Variants in NUP188 observed in about 807,000 individuals in gnomAD.
The protein encoded by NUP188 is nucleoporin NUP188.
A neutral mutation model predicts 223.0 loss-of-function variants in NUP188; 97 were observed. The ratio of observed to expected loss-of-function variants is 0.43; its 90% CI spans 0.37 to 0.51. The LOEUF (loss-of-function observed/expected upper bound fraction) is 0.51, where lower values mean the gene tolerates loss of function less well. Among genes scored for constraint, NUP188 ranks in the 20% least tolerant of loss-of-function variants. The pLI, the probability that NUP188 is intolerant of heterozygous loss-of-function variation, is 0.00. For synonymous variants in NUP188, 869 were observed against 828.0 expected, an observed-to-expected ratio of 1.05 and a Z score of -0.85; for missense variants, 1,947 against 2,175.6, an observed-to-expected ratio of 0.89 and a Z score of 2.09.
At position 128,999,004 on chromosome 9, in the gene NUP188, G is replaced by A. The variant is rs149759388; in HGVS notation, c.3516-168G>A. Among the ~76,000 whole-genome samples, 76 of 151,956 alleles carry A rather than the reference G, an allele frequency of 5.0e-4. No homozygotes were observed. The Middle Eastern group carries it at 0.031, about 61-fold the overall frequency. On this transcript the variant is annotated intron_variant, in intron 32 of 43. Coordinates refer to ENST00000372577, the MANE Select transcript of NUP188 (RefSeq NM_015354.3). ...CCCTAGTAGCTGGGATTACGGGTGC[G>A]CGCTACCATGCCTAATTTTTGTATT...
chr9:129,003,960 G>A (rs1462155953), intron 38 of NUP188: 23 of 183,712 alleles, frequency 1.3e-4, no homozygotes, highest in Admixed American at 2.1e-4. Flanking sequence ...GTGACAGAGC[G>A]AGACTCCGTC....
At chr9:128,949,779 C>G (rs1054241888) in intron 2 of NUP188, among the ~76,000 whole-genome samples, 1 of 152,080 alleles carries the variant, frequency 6.6e-6, no homozygotes, top group Non-Finnish European at 1.5e-5. Flanking sequence ...CAGGTGCATG[C>G]CACCACACCT....
intron 25 of NUP188, among the ~76,000 whole-genome samples, chr9:128,991,907 C>CTTTT (rs1204961303): frequency 6.8e-5 from 8 of 117,366 alleles, no homozygotes; most frequent in Non-Finnish European, 1.1e-4. Context: ...GTTTTTCTTT[C>CTTTT]TTTTTTTTTT....
intron 2 of NUP188, among the ~76,000 whole-genome samples, chr9:128,950,413 G>T (rs941969784): frequency 1.3e-5 from 2 of 152,050 alleles, no homozygotes; most frequent in African/African-American, 2.4e-5. Flanking sequence ...TAGAGATGGG[G>T]TTTCACCATG....
intron 5 of NUP188, among the ~76,000 whole-genome samples, chr9:128,957,521 A>G (rs767636521): frequency 4.6e-5 from 7 of 151,698 alleles, no homozygotes; most frequent in Non-Finnish European, 5.9e-5. Flanking sequence ...CTGGAGTGCA[A>G]TGGCGTGATC....
At chr9:128,997,933 A>C (rs775216073) in intron 30 of NUP188, among the ~76,000 whole-genome samples, 16 of 151,934 alleles carry the variant, frequency 1.1e-4, no homozygotes, top group Non-Finnish European at 2.1e-4. Context: ...GTTGGCCAGG[A>C]TGGTCTTGAT....
At chr9:128,972,044 T>C (rs1273414632) in intron 11 of NUP188, among the ~76,000 whole-genome samples, 1 of 152,192 alleles carries the variant, frequency 6.6e-6, no homozygotes, top group Non-Finnish European at 1.5e-5. Flanking sequence ...AGTTCTGGGA[T>C]TACAGGTGTG....
Position 128,980,651 on chromosome 9 carries a change from A to G in NUP188, c.1315A>G (p.Met439Val). 1 of 1,614,142 alleles carries G rather than the reference A, an allele frequency of 6.2e-7. No individual in the cohort carries two copies. The highest frequency in any genetic ancestry group is 8.5e-7 in the Non-Finnish European group (1 of 1,180,016). ...GATCATTCTGGACAGTGTGTGTGGA[A>G]TGTTTCCCCACCTTCTCTCCCCACT... The part of the protein sequence containing the change: ...LGIILDSVCG[M>V]FPHLLSPLLQ... The change falls in exon 14 of 44, where the codon ATG (methionine) becomes GTG (valine). Residue 439 changes from methionine to valine, a missense_variant. Met to Val is a conservative substitution (Grantham distance 21). Transcript: ENST00000372577.
chr9:129,004,907 T>C (rs1030392254), intron 38 of NUP188: 2 of 569,270 alleles, frequency 3.5e-6, no homozygotes, highest in Non-Finnish European at 6.3e-6. Context: ...TAGCCCTGAG[T>C]ACTTAGTGGC....
chr9:128,962,349 C>T (rs916606482), intron 8 of NUP188, among the ~76,000 whole-genome samples: 6 of 150,922 alleles, frequency 4.0e-5, no homozygotes, highest in African/African-American at 1.2e-4. Context: ...CTCGGGTTCA[C>T]GCCGTTCTCC....
chr9:128,957,915 T>C (rs1841893920), intron 5 of NUP188, 95 bp from the exon 6 acceptor site: 1 of 926,480 alleles, frequency 1.1e-6, no homozygotes, highest in Non-Finnish European at 1.7e-6. Flanking sequence ...TGTGCAATTA[T>C]AATCTTGAAG....
At position 128,968,500 on chromosome 9, in the gene NUP188, G is replaced by T; in HGVS notation, c.586-6G>T. ...CTCTCCCATTTTGTTTTCATTGGTT[G>T]TACAGACAGAGCGCCAAGTGTCTCG... is the stretch of plus-strand genomic sequence containing the variant. On this transcript the variant is annotated splice_polypyrimidine_tract_variant and splice_region_variant and intron_variant, in intron 8 of 43. Coordinates refer to ENST00000372577, the MANE Select transcript of NUP188 (RefSeq NM_015354.3). 3.7e-6 allele frequency: 6 copies of T among 1,611,690 alleles called. No individual in the cohort carries two copies. The highest frequency in any genetic ancestry group is 5.1e-6 in the Non-Finnish European group (6 of 1,177,994).
chr9:128,954,917 G>A (rs1485199763), intron 3 of NUP188, among the ~76,000 whole-genome samples: 2 of 151,042 alleles, frequency 1.3e-5, no homozygotes, highest in Non-Finnish European at 1.5e-5. Context: ...GCAATGGTGC[G>A]ATTTCAGCTC....
intron 2 of NUP188, among the ~76,000 whole-genome samples, chr9:128,952,530 C>T (rs1202010297): frequency 6.6e-6 from 1 of 152,224 alleles, no homozygotes; most frequent in East Asian, 1.9e-4. Context: ...CGAGATCAGC[C>T]TAGCCAACAT....
At chr9:128,992,757 A>G (rs1235438944) in intron 25 of NUP188, among the ~76,000 whole-genome samples, 1 of 152,204 alleles carries the variant, frequency 6.6e-6, no homozygotes, top group Non-Finnish European at 1.5e-5. Context: ...ACCACCCTGT[A>G]AACATTTGTT....
rs893825148 is a variant in NUP188, at chr9:128,956,360, G to C, written c.172G>C (p.Ala58Pro). Residue 58 changes from alanine to proline, a missense_variant, in exon 4 of 44, where the codon GCT (alanine) becomes CCT (proline). Transcript: ENST00000372577. ...CTGTTCTTTTTGTAGTCCAAGTTCAGCTGAAAAAGTGAAAGCTAATAAAGA... is the reference window on the plus strand; with the variant it reads ...CTGTTCTTTTTGTAGTCCAAGTTCACCTGAAAAAGTGAAAGCTAATAAAGA... ...SYYKPPSPSSAEKVKANKDVA... is the reference protein window; with the variant it reads ...SYYKPPSPSSPEKVKANKDVA... 9 of 1,570,746 alleles carry C rather than the reference G, an allele frequency of 5.7e-6. No individual in the cohort carries two copies. Among genetic ancestry groups the C allele is most frequent in the Non-Finnish European group, 7.8e-6 (9 of 1,159,956 alleles).
intron 3 of NUP188, among the ~76,000 whole-genome samples, chr9:128,953,626 T>C (rs932033227): frequency 1.7e-4 from 26 of 152,212 alleles, no homozygotes; most frequent in African/African-American, 5.5e-4. Context: ...TGTTATTTTA[T>C]CTGCAAATAC....
chr9:128,979,106 G>A (rs1842219787), intron 12 of NUP188, among the ~76,000 whole-genome samples, 156 bp from the exon 13 acceptor site: 1 of 152,090 alleles, frequency 6.6e-6, no homozygotes, highest in Non-Finnish European at 1.5e-5. Context: ...GATTTACTAT[G>A]TTCCCCAGGC....
At chr9:128,973,821 AC>A (rs1443229411) in intron 12 of NUP188, among the ~76,000 whole-genome samples, 1 of 152,256 alleles carries the variant, frequency 6.6e-6, no homozygotes, top group Non-Finnish European at 1.5e-5. Context: ...TTTTCCAAAT[AC>A]GTATATACAT....
Sources: gnomAD v4.1 joint callset for allele counts (sites outside exome capture counted in the v4.1 genomes callset) on GRCh38, gnomAD v4.1.1 for gene constraint, MANE v1.5 for transcripts, NCBI Gene and HGNC (gene_info 2026-07-23, HGNC 2026-07-21) for gene names.